The following MRC2 variants were observed in gnomAD, a reference collection of about 807,000 sequenced individuals.
MRC2 encodes the protein mannose receptor C-type 2, also known as C-type mannose receptor 2.
In MRC2, 84 loss-of-function variants were observed where a neutral mutation model predicts 206.2. The ratio of observed to expected loss-of-function variants is 0.41; its 90% CI spans 0.34 to 0.49. The LOEUF (loss-of-function observed/expected upper bound fraction) is 0.49, where lower values mean the gene tolerates loss of function less well. Ranked by LOEUF, MRC2 falls within the 20% of genes least tolerant of loss-of-function variation. The pLI, the probability that MRC2 is intolerant of heterozygous loss-of-function variation, is 0.31. For missense variants in MRC2, 1,676 were observed against 2,001.5 expected (o/e 0.84, Z 3.10); for synonymous variants, 798 against 800.0 (o/e 1.00, Z 0.04).
chr17:62,689,061 C>G (rs2089068214), intron 23 of MRC2, 101 bp downstream of exon 23: 1 of 951,528 alleles, frequency 1.1e-6, no homozygotes, highest in African/African-American at 1.6e-5. Flanking sequence ...CCTGGCAGAG[C>G]AGGGCTCTGC....
In MRC2 at chr17:62,664,011, G is replaced by A. The variant is rs910570266; in HGVS notation, c.119-537G>A. ...GTCTCGCTCTGTCGCCCAGGCTGGA[G>A]TGCAGTGGCGGGATCTCGGCTCACT... On this transcript the variant is annotated intron_variant, in intron 1 of 29. Coordinates refer to ENST00000303375, the MANE Select transcript of MRC2 (RefSeq NM_006039.5). The surrounding 1 kb of genome is among the most constrained non-coding windows in gnomAD (Gnocchi z 4.7). Among the ~76,000 whole-genome samples the A allele has an allele frequency of 7.5e-5, 11 of 147,412 alleles. No individual in the cohort carries two copies. The highest frequency in any genetic ancestry group is 1.2e-4 in the Non-Finnish European group (8 of 67,238).
At chr17:62,628,161 G>C (rs1044224308) in intron 1 of MRC2, among the ~76,000 whole-genome samples, 5 of 152,014 alleles carry the variant, frequency 3.3e-5, no homozygotes, top group African/African-American at 1.2e-4. Context: ...GCGGGCGGCG[G>C]GGGAGGGGAG....
Position 62,680,094 on chromosome 17 carries a change from G to C in MRC2, c.2299-76G>C. On this transcript the variant is annotated intron_variant, in intron 14 of 29. Transcript: ENST00000303375. This position sits in a 1 kb window ranked among gnomAD's most constrained non-coding sequence, Gnocchi z 4.8. ...ATTCGCAGCTCAGGCCAGGCCTCTT[G>C]TTCACCTGTTCCGGGCATGGGGGCG... 6.3e-7 allele frequency: 1 copy of C among 1,595,078 alleles called. No individual in the cohort carries two copies. Among genetic ancestry groups the C allele is most frequent in the Non-Finnish European group, 8.6e-7 (1 of 1,168,450 alleles).
Position 62,677,270 on chromosome 17 carries a change from G to T in MRC2, c.1836G>T (p.Gly612=). The T allele has an allele frequency of 1.3e-6, 2 of 1,593,994 alleles. No individual in the cohort carries two copies. The highest frequency in any genetic ancestry group is 1.7e-5 in the Admixed American group (1 of 57,514). ...MYTHWNRDQP[G]YSRGGCVALA... is the part of the protein sequence containing the mutation. Reference sequence around the variant, plus strand: ...GGGTCTCCCTTCCCTCTCCTTCAGGGTACAGCCGTGGGGGCTGCGTGGCGC... The same window carrying T: ...GGGTCTCCCTTCCCTCTCCTTCAGGTTACAGCCGTGGGGGCTGCGTGGCGC... The change falls in exon 12 of 30, where the codon GGG becomes GGT. Residue 612 remains glycine, a splice_region_variant and synonymous_variant. Coordinates refer to ENST00000303375, the MANE Select transcript of MRC2 (RefSeq NM_006039.5).
intron 20 of MRC2, among the ~76,000 whole-genome samples, chr17:62,686,540 C>T (rs921072297): frequency 6.6e-6 from 1 of 152,136 alleles, no homozygotes; most frequent in African/African-American, 2.4e-5. Flanking sequence ...GCTGTAATGC[C>T]CCTTCGCCCC....
At chr17:62,641,514 A>G (rs1467216727) in intron 1 of MRC2, among the ~76,000 whole-genome samples, 2 of 152,128 alleles carry the variant, frequency 1.3e-5, no homozygotes, top group Non-Finnish European at 2.9e-5. Flanking sequence ...GGATTCTGGT[A>G]TTACCCCATA....
In MRC2 at chr17:62,627,833, T is replaced by G; in HGVS notation, c.31T>G (p.Trp11Gly). The G allele has an allele frequency of 4.1e-6, 6 of 1,465,190 alleles. No individual in the cohort carries two copies. Among genetic ancestry groups the G allele is most frequent in the Non-Finnish European group, 5.4e-6 (6 of 1,116,630 alleles). The allele number at this position is 1,465,190 out of a possible 1,614,324, so 90.8% of individuals were successfully genotyped here. ...GCCCGGCCGGCCGGCCCCCGCGCCC[T>G]GGCCTCGTCACCTGCTGCGCTGCGT... MGPGRPAPAP[W>G]PRHLLRCVLL... is the part of the protein sequence containing the mutation. The change falls in exon 1 of 30, where the codon TGG (tryptophan) becomes GGG (glycine). Residue 11 changes from tryptophan to glycine, a missense_variant. Physicochemically the swap from Trp to Gly is radical, Grantham distance 184. Coordinates refer to ENST00000303375, the MANE Select transcript of MRC2 (RefSeq NM_006039.5).
Position 62,666,700 on chromosome 17 carries a change from G to A in MRC2, c.860-57G>A. On this transcript the variant is annotated intron_variant, in intron 4 of 29. Transcript: ENST00000303375. This position sits in a 1 kb window ranked among gnomAD's most constrained non-coding sequence, Gnocchi z 5.0. Reference sequence around the variant, plus strand: ...TTGTGGGTTGGGGAGAGGGCGATGGGGAGCGGGGGAGGCTGGGGCTGGGGA... The same window carrying A: ...TTGTGGGTTGGGGAGAGGGCGATGGAGAGCGGGGGAGGCTGGGGCTGGGGA... The A allele has an allele frequency of 4.4e-6, 7 of 1,585,098 alleles. No homozygotes were observed. Among genetic ancestry groups the A allele is most frequent in the Non-Finnish European group, 6.0e-6 (7 of 1,164,056 alleles).
In MRC2 at chr17:62,680,941, T is replaced by C; in HGVS notation, c.2615T>C (p.Leu872Pro). ...SVHSQAELDF[L>P]SHNLQKFSRA... ...CACAGCCAGGCGGAGCTAGACTTCC[T>C]GAGCCACAACTTGCAGAAGGTGGGC... is the stretch of plus-strand genomic sequence containing the variant. The change falls in exon 17 of 30, where the codon CTG (leucine) becomes CCG (proline). Residue 872 changes from leucine (L) to proline (P), a missense_variant. Leu to Pro is a moderately conservative substitution (Grantham distance 98). Coordinates refer to ENST00000303375, the MANE Select transcript of MRC2 (RefSeq NM_006039.5). The surrounding 1 kb of genome is among the most constrained non-coding windows in gnomAD (Gnocchi z 4.8). 6.2e-7 allele frequency: 1 copy of C among 1,613,056 alleles called. No individual in the cohort carries two copies. The highest frequency in any genetic ancestry group is 8.5e-7 in the Non-Finnish European group (1 of 1,179,844).
At position 62,680,381 on chromosome 17, in the gene MRC2, T is replaced by G. The variant is rs759580365; in HGVS notation, c.2438-37T>G. 25 of 1,613,796 alleles carry G rather than the reference T, an allele frequency of 1.5e-5. No homozygotes were observed. In the Admixed American group the frequency reaches 4.2e-4, roughly 27 times the overall value. On this transcript the variant is annotated intron_variant, in intron 15 of 29. Coordinates refer to ENST00000303375, the MANE Select transcript of MRC2 (RefSeq NM_006039.5). The surrounding 1 kb of genome is among the most constrained non-coding windows in gnomAD (Gnocchi z 4.8). ...GGGGCCAGGAATTCCAGGGAGGGTC[T>G]CCTTTCCTCACAACGTCTTTGTCCT...
At position 62,689,732 on chromosome 17, in the gene MRC2, C is replaced by T. The variant is rs761120337; in HGVS notation, c.3545C>T (p.Pro1182Leu). The T allele has an allele frequency of 1.7e-5, 27 of 1,560,448 alleles. No individual in the cohort carries two copies. The highest frequency in any genetic ancestry group is 5.4e-5 in the African/African-American group (4 of 74,072). The change falls in exon 24 of 30, where the codon CCG becomes CTG. Residue 1182 changes from proline (P) to leucine (L), a missense_variant. Pro to Leu is a moderately conservative substitution (Grantham distance 98, BLOSUM62 -3). Around this residue, in one of 3 missense-constraint regions of MRC2, gnomAD observed 1,354 missense variants for 1,636.6 expected, o/e 0.83. Coordinates refer to ENST00000303375, the MANE Select transcript of MRC2 (RefSeq NM_006039.5). ...LTQAARGLRTPLWIGLAGEEG... is the reference protein window; with the variant it reads ...LTQAARGLRTLLWIGLAGEEG... The stretch of plus-strand genomic sequence containing the variant: ...CAGGCTGCCCGAGGGCTGCGCACGC[C>T]GCTCTGGATTGGGCTGGCTGGCGAG...
In MRC2 at chr17:62,664,432, G is replaced by T; in HGVS notation, c.119-116G>T. The T allele has an allele frequency of 8.4e-7, 1 of 1,184,686 alleles. No homozygotes were observed. The highest frequency in any genetic ancestry group is 2.3e-5 in the East Asian group (1 of 42,674). The allele number at this position is 1,184,686 out of a possible 1,614,324, so 73.4% of individuals were successfully genotyped here. ...GAGTACCGAGTGATTTAACGTATGA[G>T]TGACGGCTCACCATCCTGCACTGGG... On this transcript the variant is annotated intron_variant, in intron 1 of 29. Transcript: ENST00000303375. The surrounding 1 kb of genome is among the most constrained non-coding windows in gnomAD (Gnocchi z 4.7).
In MRC2 at chr17:62,666,761, C is replaced by T; in HGVS notation, c.864C>T (p.Leu288=). Residue 288 remains leucine, a synonymous_variant, in exon 5 of 30, where the codon CTC becomes CTT. Coordinates refer to ENST00000303375, the MANE Select transcript of MRC2 (RefSeq NM_006039.5). The surrounding 1 kb of genome is among the most constrained non-coding windows in gnomAD (Gnocchi z 5.0). ...EIHEQTYING[L]LTGYSSTLWI... ...AGTGTCCCTCCTTGCTGTCAGGCCT[C>T]CTCACTGGGTACAGCTCCACCCTGT... 1 of 1,613,600 alleles carries T rather than the reference C, an allele frequency of 6.2e-7. No individual in the cohort carries two copies. Among genetic ancestry groups the T allele is most frequent in the Non-Finnish European group, 8.5e-7 (1 of 1,179,812 alleles).
At chr17:62,686,750 G>A (rs2089037482) in intron 20 of MRC2, among the ~76,000 whole-genome samples, 1 of 152,198 alleles carries the variant, frequency 6.6e-6, no homozygotes, top group Non-Finnish European at 1.5e-5. Flanking sequence ...TGGTACTGGT[G>A]TGACCTTGCT....
chr17:62,630,823 C>G (rs1274870484), intron 1 of MRC2, among the ~76,000 whole-genome samples: 2 of 151,688 alleles, frequency 1.3e-5, no homozygotes, highest in Non-Finnish European at 2.9e-5. Flanking sequence ...TCAGCCAGAC[C>G]AGCTCCCTAC....
intron 1 of MRC2, among the ~76,000 whole-genome samples, chr17:62,635,506 A>G (rs2147429009): frequency 6.6e-6 from 1 of 152,030 alleles, no homozygotes; most frequent in African/African-American, 2.4e-5. Flanking sequence ...GGTTGGGCAT[A>G]CCTCTCCCCT....
In MRC2 at chr17:62,684,935, GT is replaced by G. The variant is rs139800182; in HGVS notation, c.2946+2561del. ...GCGGGTGGATCACCTGAGATCAGGA[GT>G]TTGAGACCAACCAGGGCAACATCGC... On this transcript the variant is annotated intron_variant, in intron 20 of 29. Transcript: ENST00000303375. Among the ~76,000 whole-genome samples the G allele has an allele frequency of 5.8e-3, 888 of 152,318 alleles. 5 individuals are homozygous for G. Among genetic ancestry groups the G allele is most frequent in the Non-Finnish European group, 7.7e-3 (524 of 68,040 alleles).
intron 1 of MRC2, among the ~76,000 whole-genome samples, chr17:62,658,193 T>C (rs761300416): frequency 5.3e-5 from 8 of 152,172 alleles, no homozygotes; most frequent in Non-Finnish European, 1.2e-4. Flanking sequence ...ACAGAGCTCC[T>C]TGTAACGCCC....
intron 1 of MRC2, among the ~76,000 whole-genome samples, chr17:62,651,668 G>A (rs370137086): frequency 6.6e-6 from 1 of 152,078 alleles, no homozygotes; most frequent in Non-Finnish European, 1.5e-5. Context: ...TCCTCCTCCC[G>A]GGTTCAAGCA....
Sources: allele counts gnomAD v4.1 joint callset (sites outside exome capture counted in the v4.1 genomes callset), GRCh38; gene constraint gnomAD v4.1.1; regional missense constraint gnomAD v4.1.1; non-coding constraint Gnocchi (gnomAD v3.1); transcripts MANE v1.5; gene names NCBI Gene and HGNC (gene_info 2026-07-23, HGNC 2026-07-21).